SASH1: variants seen among roughly 807,000 people sequenced by gnomAD.
SASH1 encodes SAM and SH3 domain containing 1.
A neutral mutation model predicts 125.2 loss-of-function variants in SASH1; 44 were observed. The ratio of observed to expected loss-of-function variants is 0.35; its 90% CI spans 0.28 to 0.45. The LOEUF (loss-of-function observed/expected upper bound fraction) is 0.45, where lower values mean the gene tolerates loss of function less well. Ranked by LOEUF, SASH1 falls within the 20% of genes least tolerant of loss-of-function variation. The pLI is 1.00. For synonymous variants in SASH1, 639 were observed against 649.1 expected (o/e 0.98, Z 0.24); for missense variants, 1,426 against 1,614.5 (o/e 0.88, Z 2.00).
intron 1 of SASH1, among the ~76,000 whole-genome samples, chr6:148,315,235 C>A (rs1049512424): frequency 2.0e-5 from 3 of 152,164 alleles, no homozygotes; most frequent in African/African-American, 7.2e-5. Flanking sequence ...AAGCACTTTT[C>A]CACATAATAA....
intron 17 of SASH1, among the ~76,000 whole-genome samples, chr6:148,542,591 G>A (rs188418343): frequency 6.6e-6 from 1 of 152,256 alleles, no homozygotes; most frequent in Admixed American, 6.5e-5. Flanking sequence ...GTTTCACCGT[G>A]TTAGCCAGGA....
chr6:148,455,875 G>A (rs1777316846), intron 4 of SASH1, among the ~76,000 whole-genome samples: 1 of 152,142 alleles, frequency 6.6e-6, no homozygotes, highest in Non-Finnish European at 1.5e-5. Context: ...CTGTGGCAGC[G>A]AGAGGAAGGG....
At chr6:148,229,613 T>C in the SASH1 span, among the ~76,000 whole-genome samples, 1 of 152,172 alleles carries the variant, frequency 6.6e-6, no homozygotes, top group South Asian at 2.1e-4. Flanking sequence ...TTTATTGAGA[T>C]ATAACTTGTA....
In SASH1 at chr6:148,519,813, G is replaced by C. The variant is rs1780692336; in HGVS notation, c.1129G>C (p.Glu377Gln). ...KKMGTFFSYP[E>Q]EEKAQKVSRS... ...GATGGGGACATTCTTCTCCTACCCAGAAGAAGAAAAGGCCCAGAAAGTGTC... is the reference window on the plus strand; with the variant it reads ...GATGGGGACATTCTTCTCCTACCCACAAGAAGAAAAGGCCCAGAAAGTGTC... The change falls in exon 10 of 20, where the codon GAA (glutamate) becomes CAA (glutamine). Residue 377 changes from glutamate (E) to glutamine (Q), a missense_variant. Glu to Gln is a conservative substitution (Grantham distance 29). Transcript: ENST00000367467. The surrounding 1 kb of genome is among the most constrained non-coding windows in gnomAD (Gnocchi z 4.8). The C allele has an allele frequency of 6.2e-7, 1 of 1,613,538 alleles. No homozygotes were observed. Among genetic ancestry groups the C allele is most frequent in the Non-Finnish European group, 8.5e-7 (1 of 1,179,792 alleles).
intron 2 of SASH1, among the ~76,000 whole-genome samples, chr6:148,419,650 A>G (rs1015376622): frequency 1.3e-5 from 2 of 152,100 alleles, no homozygotes; most frequent in African/African-American, 2.4e-5. Context: ...TCTGCTACAG[A>G]CCATCCGTTT....
intron 1 of SASH1, among the ~76,000 whole-genome samples, chr6:148,335,732 T>C (rs1274559233): frequency 6.6e-6 from 1 of 152,128 alleles, no homozygotes; most frequent in East Asian, 1.9e-4. Flanking sequence ...CCATAAATGA[T>C]GACAGCGATG....
the SASH1 span, among the ~76,000 whole-genome samples, chr6:148,256,634 T>C: frequency 6.6e-6 from 1 of 152,178 alleles, no homozygotes; most frequent in African/African-American, 2.4e-5. Context: ...ATTATTTTAG[T>C]GACAAAATTT....
At chr6:148,316,463 A>G (rs1439326113) in intron 1 of SASH1, among the ~76,000 whole-genome samples, 1 of 152,258 alleles carries the variant, frequency 6.6e-6, no homozygotes, top group East Asian at 1.9e-4. Flanking sequence ...AAGTGGGTAC[A>G]GAGCATAGAT....
At chr6:148,454,135 C>T (rs1357147319) in intron 4 of SASH1, among the ~76,000 whole-genome samples, 2 of 152,088 alleles carry the variant, frequency 1.3e-5, no homozygotes, top group South Asian at 2.1e-4. Flanking sequence ...TTCAGCTTCG[C>T]GGGTGCAGAG....
chr6:148,328,085 C>T (rs1006630770), intron 1 of SASH1, among the ~76,000 whole-genome samples: 44 of 152,234 alleles, frequency 2.9e-4, no homozygotes, highest in African/African-American at 9.1e-4. Context: ...GGCTGAAGTG[C>T]GGTGACTACT....
In SASH1 at chr6:148,544,547, C is replaced by T. The variant is rs780329889; in HGVS notation, c.3077C>T (p.Pro1026Leu). The T allele has an allele frequency of 1.9e-6, 3 of 1,613,036 alleles. No homozygotes were observed. The highest frequency in any genetic ancestry group is 4.5e-5 in the East Asian group (2 of 44,884). ...TGCCTGCCAGTGAAAAGGGGCAGCC[C>T]CGCCAGCCCCACCAGCCCTAGCGAC... is the stretch of plus-strand genomic sequence containing the variant. Reference protein sequence around the residue: ...APCLPVKRGSPASPTSPSDCP... With the variant: ...APCLPVKRGSLASPTSPSDCP... The change falls in exon 18 of 20, where the codon CCC (proline) becomes CTC (leucine). Residue 1026 changes from proline to leucine, a missense_variant. Physicochemically the swap from Pro to Leu is moderately conservative, Grantham distance 98. This residue lies in a region of SASH1 where 634 missense variants were observed against 694.4 expected (regional missense o/e 0.91). Coordinates refer to ENST00000367467, the MANE Select transcript of SASH1 (RefSeq NM_015278.5). This position sits in a 1 kb window ranked among gnomAD's most constrained non-coding sequence, Gnocchi z 6.4.
chr6:148,273,386 T>G (rs957850077), intron 1 of SASH1, among the ~76,000 whole-genome samples: 7 of 149,996 alleles, frequency 4.7e-5, no homozygotes, highest in Admixed American at 4.0e-4. Context: ...CTCTGCCTCC[T>G]GGGTTCAAGC....
chr6:148,323,731 G>A (rs143056458), intron 1 of SASH1, among the ~76,000 whole-genome samples: 88 of 152,224 alleles, frequency 5.8e-4, no homozygotes, highest in African/African-American at 1.9e-3. Flanking sequence ...ATCCATGCAC[G>A]TTGATACCAA....
At chr6:148,432,055 A>G (rs1776084588) in intron 2 of SASH1, among the ~76,000 whole-genome samples, 8 of 151,282 alleles carry the variant, frequency 5.3e-5, no homozygotes, top group Admixed American at 4.6e-4. Context: ...GGCTCACAGC[A>G]ATGTCTGCCT....
rs768874293 is a variant in SASH1, at chr6:148,544,612, G to A, written c.3142G>A (p.Ala1048Thr). The A allele has an allele frequency of 1.2e-6, 2 of 1,613,288 alleles. No homozygotes were observed. Among genetic ancestry groups the A allele is most frequent in the Non-Finnish European group, 1.7e-6 (2 of 1,179,876 alleles). Residue 1048 changes from alanine to threonine, a missense_variant, in exon 18 of 20, where the codon GCG (alanine) becomes ACG (threonine). Transcript: ENST00000367467. The surrounding 1 kb of genome is among the most constrained non-coding windows in gnomAD (Gnocchi z 6.4). ...GGCTCCCAGGCCTCTCTCAGGGCAG[G>A]CGCCTGGCAGCCCACCAAGCACAAG... ...ALAPRPLSGQ[A>T]PGSPPSTRPP...
Position 148,519,711 on chromosome 6 carries a change from A to C in SASH1, c.1027A>C (p.Thr343Pro), listed in dbSNP as rs1284727596. ...TTSPSSSSLD[T>P]WGAGRKLVKT... ...GTCTCCATCCTCCAGCAGCCTGGAC[A>C]CCTGGGGGGCTGGCCGGAAGTTGGT... The change falls in exon 10 of 20, where the codon ACC (threonine) becomes CCC (proline). Residue 343 changes from threonine (T) to proline (P), a missense_variant. By Grantham distance (38) the Thr-to-Pro change is conservative (BLOSUM62 -1). Transcript: ENST00000367467. The surrounding 1 kb of genome is among the most constrained non-coding windows in gnomAD (Gnocchi z 4.8). The C allele has an allele frequency of 4.3e-6, 7 of 1,614,136 alleles. No homozygotes were observed. The highest frequency in any genetic ancestry group is 5.1e-6 in the Non-Finnish European group (6 of 1,180,036).
At chr6:148,308,882 G>A (rs747150088) in intron 1 of SASH1, among the ~76,000 whole-genome samples, 11 of 150,384 alleles carry the variant, frequency 7.3e-5, no homozygotes, top group East Asian at 4.1e-4. Context: ...TCAGGAGTTC[G>A]AGACCAGCCT....
intron 1 of SASH1, among the ~76,000 whole-genome samples, chr6:148,281,215 CCCAAAGTGCTGGGATTACAGGCGTGAG>C (rs1299958721): frequency 6.6e-6 from 1 of 150,986 alleles, no homozygotes; most frequent in Non-Finnish European, 1.5e-5. Flanking sequence ...GCCATGTCCT[CCCAAAGTGCTGGGATTACAGGCGTGAG>C]CCACCGCGCC....
intron 2 of SASH1, chr6:148,393,819 A>C: frequency 1.6e-6 from 1 of 637,210 alleles, no homozygotes; most frequent in Non-Finnish European, 2.0e-6. Context: ...TGGAAGCATG[A>C]CTGTTCATTC....
Sources: allele counts gnomAD v4.1 joint callset (sites outside exome capture counted in the v4.1 genomes callset), GRCh38; gene constraint gnomAD v4.1.1; regional missense constraint gnomAD v4.1.1; non-coding constraint Gnocchi (gnomAD v3.1); transcripts MANE v1.5; gene names NCBI Gene and HGNC (gene_info 2026-07-23, HGNC 2026-07-21).